The following MT2A variants were observed in gnomAD, a reference collection of about 807,000 sequenced individuals.
MT2A encodes the protein metallothionein-2.
In MT2A, 6 loss-of-function variants were observed where a neutral mutation model predicts 9.9. The ratio of observed to expected loss-of-function variants is 0.61; its 90% confidence interval spans 0.33 to 1.20. The LOEUF is 1.20. Among genes scored for constraint, MT2A ranks in the 50% most tolerant of loss-of-function variants. The pLI, the probability that MT2A is intolerant of heterozygous loss-of-function variation, is 0.04. For missense variants in MT2A, 57 were observed against 78.2 expected (o/e 0.73, Z 1.02); for synonymous variants, 27 against 28.7 (o/e 0.94, Z 0.18).
Position 56,609,393 on chromosome 16 carries a change from C to T in MT2A, c.*39C>T, listed in dbSNP as rs1396950666. ...CCGCTCCCAGATGTAAAGAACGCGA[C>T]TTCCACAAACCTGGATTTTTTATGT... is the stretch of plus-strand genomic sequence containing the variant. On this transcript the variant is annotated 3_prime_UTR_variant, in exon 3 of 3. Coordinates refer to ENST00000245185, the MANE Select transcript of MT2A (RefSeq NM_005953.5). 5 of 1,609,404 alleles carry T rather than the reference C, an allele frequency of 3.1e-6. No individual in the cohort carries two copies. The highest frequency in any genetic ancestry group is 1.7e-5 in the Admixed American group (1 of 58,906).
At chr16:56,609,168 T>C (rs758547419) in intron 2 of MT2A, 95 bp from the exon 3 acceptor site, 1 of 1,611,890 alleles carries the variant, frequency 6.2e-7, no homozygotes, top group Non-Finnish European at 8.5e-7. Context: ...TGCGCGGAAA[T>C]TGTTGCCTCC....
At chr16:56,608,782 G>T in intron 1 of MT2A, 99 bp downstream of exon 1, 2 of 1,541,584 alleles carry the variant, frequency 1.3e-6, no homozygotes, top group Non-Finnish European at 1.8e-6. Flanking sequence ...GACAGGAGTT[G>T]CTCCTTCCCA....
intron 1 of MT2A, 131 bp downstream of exon 1, chr16:56,608,814 T>A (rs1597058714): frequency 7.2e-7 from 1 of 1,392,848 alleles, no homozygotes; most frequent in Admixed American, 1.9e-5. Context: ...GGTATCTTTC[T>A]CTCCATTCTA....
Position 56,608,690 on chromosome 16 carries a change from G to T in MT2A, c.28+7G>T, listed in dbSNP as rs763805176. 1 of 1,614,174 alleles carries T rather than the reference G, an allele frequency of 6.2e-7. No homozygotes were observed. Among genetic ancestry groups the T allele is most frequent in the Non-Finnish European group, 8.5e-7 (1 of 1,180,026 alleles). On this transcript the variant is annotated splice_region_variant and intron_variant, in intron 1 of 2. Transcript: ENST00000245185. ...AACTGCTCCTGCGCCGCCGGTAAGA[G>T]GCTGGGGATGCCCAGTGTAGACTGT...
In MT2A at chr16:56,608,631, A is replaced by C. The variant is rs977438951; in HGVS notation, c.-25A>C. On this transcript the variant is annotated 5_prime_UTR_variant, in exon 1 of 3. Coordinates refer to ENST00000245185, the MANE Select transcript of MT2A (RefSeq NM_005953.5). Reference sequence around the variant, plus strand: ...GCGAACCCGCGTGCAACCTGTCCCGACTCTAGCCGCCTCTTCAGCTCGCCA... The same window carrying C: ...GCGAACCCGCGTGCAACCTGTCCCGCCTCTAGCCGCCTCTTCAGCTCGCCA... The C allele has an allele frequency of 6.2e-7, 1 of 1,613,648 alleles. No individual in the cohort carries two copies. Among genetic ancestry groups the C allele is most frequent in the Non-Finnish European group, 8.5e-7 (1 of 1,179,868 alleles).
intron 1 of MT2A, 91 bp from the exon 2 acceptor site, chr16:56,608,901 G>C: frequency 6.8e-7 from 1 of 1,474,438 alleles, no homozygotes; most frequent in Non-Finnish European, 9.4e-7. Context: ...AATCGGTTGT[G>C]GACTGAGGAA....
rs973647485 is a variant in MT2A, at chr16:56,609,420, C to T, written c.*66C>T. On this transcript the variant is annotated 3_prime_UTR_variant, in exon 3 of 3. Transcript: ENST00000245185. The stretch of plus-strand genomic sequence containing the variant: ...TCCACAAACCTGGATTTTTTATGTA[C>T]AACCCTGACCGTGACCGTTTGCTAT... 1.3e-5 allele frequency: 21 copies of T among 1,577,518 alleles called. No individual in the cohort carries two copies. The African/African-American group carries it at 2.7e-4, about 20-fold the overall frequency.
rs751368110 is a variant in MT2A, at chr16:56,609,385, G to C, written c.*31G>C. Reference sequence around the variant, plus strand: ...GGACAGCCCCGCTCCCAGATGTAAAGAACGCGACTTCCACAAACCTGGATT... The same window carrying C: ...GGACAGCCCCGCTCCCAGATGTAAACAACGCGACTTCCACAAACCTGGATT... On this transcript the variant is annotated 3_prime_UTR_variant, in exon 3 of 3. Coordinates refer to ENST00000245185, the MANE Select transcript of MT2A (RefSeq NM_005953.5). 3 of 1,611,018 alleles carry C rather than the reference G, an allele frequency of 1.9e-6. No individual in the cohort carries two copies. Among genetic ancestry groups the C allele is most frequent in the Non-Finnish European group, 2.5e-6 (3 of 1,178,780 alleles).
chr16:56,609,011 C>A lies in MT2A; in HGVS notation c.48C>A (p.Ala16=), dbSNP rs780048326. 1.9e-6 allele frequency: 3 copies of A among 1,614,070 alleles called. No individual in the cohort carries two copies. The highest frequency in any genetic ancestry group is 1.7e-6 in the Non-Finnish European group (2 of 1,180,038). ...TTGCAGGTGACTCCTGCACCTGCGCCGGCTCCTGCAAATGCAAAGAGTGCA... is the reference window on the plus strand; with the variant it reads ...TTGCAGGTGACTCCTGCACCTGCGCAGGCTCCTGCAAATGCAAAGAGTGCA... ...SCAAGDSCTC[A]GSCKCKECKC... is the part of the protein sequence containing the mutation. Residue 16 remains alanine (A), a synonymous_variant, in exon 2 of 3, where the codon GCC becomes GCA. Coordinates refer to ENST00000245185, the MANE Select transcript of MT2A (RefSeq NM_005953.5).
chr16:56,609,003 A>G lies in MT2A; in HGVS notation c.40A>G (p.Thr14Ala). Residue 14 changes from threonine (T) to alanine (A), a missense_variant, in exon 2 of 3, where the codon ACC becomes GCC. By Grantham distance (58) the Thr-to-Ala change is moderately conservative. Coordinates refer to ENST00000245185, the MANE Select transcript of MT2A (RefSeq NM_005953.5). ...TTTTCTCCTTGCAGGTGACTCCTGC[A>G]CCTGCGCCGGCTCCTGCAAATGCAA... ...NCSCAAGDSC[T>A]CAGSCKCKEC... is the part of the protein sequence containing the mutation. 6.2e-7 allele frequency: 1 copy of G among 1,614,112 alleles called. No homozygotes were observed. The highest frequency in any genetic ancestry group is 8.5e-7 in the Non-Finnish European group (1 of 1,180,024).
At chr16:56,609,150 T>C (rs766182274) in intron 2 of MT2A, 93 bp downstream of exon 2, 5 of 1,610,012 alleles carry the variant, frequency 3.1e-6, no homozygotes, top group Admixed American at 1.7e-5. Flanking sequence ...AGTCTGGGGA[T>C]GCCCCATTGC....
chr16:56,609,193 C>T lies in MT2A; in HGVS notation c.95-70C>T, dbSNP rs1172661895. The T allele has an allele frequency of 1.1e-5, 17 of 1,613,126 alleles. No homozygotes were observed. The East Asian group carries it at 3.6e-4, about 34-fold the overall frequency. On this transcript the variant is annotated intron_variant, in intron 2 of 2. Coordinates refer to ENST00000245185, the MANE Select transcript of MT2A (RefSeq NM_005953.5). ...TTGTTGCCTCCTCAGTGATCCTTAT[C>T]AGGGAGAGCAGGAATCCTTATTCCC...
At chr16:56,609,096 C>T (rs372716648) in intron 2 of MT2A, 39 bp downstream of exon 2, 249 of 1,613,086 alleles carry the variant, frequency 1.5e-4, no homozygotes, top group Non-Finnish European at 1.9e-4. Flanking sequence ...CCTTCCCTGT[C>T]CTCCAGCCTG....
rs1478509024 is a variant in MT2A, at chr16:56,608,667, C to G, written c.12C>G (p.Asn4Lys). 1 of 1,614,262 alleles carries G rather than the reference C, an allele frequency of 6.2e-7. No individual in the cohort carries two copies. The highest frequency in any genetic ancestry group is 8.5e-7 in the Non-Finnish European group (1 of 1,180,034). Residue 4 changes from asparagine (N) to lysine (K), a missense_variant, in exon 1 of 3, where the codon AAC (asparagine) becomes AAG (lysine). Coordinates refer to ENST00000245185, the MANE Select transcript of MT2A (RefSeq NM_005953.5). MDPNCSCAAGDSCT... is the reference protein window; with the variant it reads MDPKCSCAAGDSCT... ...CTCTTCAGCTCGCCATGGATCCCAA[C>G]TGCTCCTGCGCCGCCGGTAAGAGGC...
At position 56,609,287 on chromosome 16, in the gene MT2A, G is replaced by T. The variant is rs757486569; in HGVS notation, c.119G>T (p.Gly40Val). 1.9e-6 allele frequency: 3 copies of T among 1,614,192 alleles called. No individual in the cohort carries two copies. In the Admixed American group the frequency reaches 5.0e-5, roughly 27 times the overall value. ...GGCTGCTGCTCCTGCTGCCCTGTGG[G>T]CTGTGCCAAGTGTGCCCAGGGCTGC... ...KKSCCSCCPV[G>V]CAKCAQGCIC... Residue 40 changes from glycine (G) to valine (V), a missense_variant, in exon 3 of 3, where the codon GGC becomes GTC. Physicochemically the swap from Gly to Val is moderately radical, Grantham distance 109. Transcript: ENST00000245185.
rs1424130917 is a variant in MT2A, at chr16:56,609,356, G to A, written c.*2G>A. On this transcript the variant is annotated 3_prime_UTR_variant, in exon 3 of 3. Transcript: ENST00000245185. ...GACAAGTGCAGCTGCTGCGCCTGAT[G>A]CTGGGACAGCCCCGCTCCCAGATGT... The A allele has an allele frequency of 6.2e-7, 1 of 1,614,014 alleles. No homozygotes were observed. The highest frequency in any genetic ancestry group is 8.5e-7 in the Non-Finnish European group (1 of 1,179,910).
rs772350264 is a variant in MT2A, at chr16:56,609,062, G to A, written c.94+5G>A. 1.2e-6 allele frequency: 2 copies of A among 1,614,220 alleles called. No homozygotes were observed. The highest frequency in any genetic ancestry group is 1.7e-6 in the Non-Finnish European group (2 of 1,180,042). ...AATGCACCTCCTGCAAGAAAAGTAA[G>A]TGGGATCCTCTCTTTCCTCTACCCC... On this transcript the variant is annotated splice_donor_5th_base_variant and intron_variant, in intron 2 of 2. Transcript: ENST00000245185.
intron 2 of MT2A, 50 bp downstream of exon 2, chr16:56,609,107 T>G (rs1177554885): frequency 2.5e-6 from 4 of 1,612,406 alleles, no homozygotes; most frequent in Non-Finnish European, 3.4e-6. Context: ...CTCCAGCCTG[T>G]CCCCTCTCCA....
chr16:56,608,734 T>C (rs1959996411), intron 1 of MT2A, 51 bp downstream of exon 1: 1 of 1,611,334 alleles, frequency 6.2e-7, no homozygotes, highest in Admixed American at 1.7e-5. Context: ...AGAAGCAATT[T>C]CTGACCCCTC....
Sources: allele counts gnomAD v4.1 joint callset, GRCh38; gene constraint gnomAD v4.1.1; transcripts MANE v1.5; gene names NCBI Gene and HGNC (gene_info 2026-07-23, HGNC 2026-07-21).